Variants in FILIP1 observed in about 807,000 individuals in gnomAD.
The protein encoded by FILIP1 is filamin-A-interacting protein 1.
FILIP1 carries 61 observed loss-of-function variants against 102.1 expected under a neutral mutation model. The ratio of observed to expected loss-of-function variants is 0.60; its 90% CI spans 0.49 to 0.74. The LOEUF is 0.74. Ranked by LOEUF, FILIP1 falls within the 30% of genes least tolerant of loss-of-function variation. The pLI is 0.00. For missense variants in FILIP1, 1,314 were observed against 1,441.2 expected, an observed-to-expected ratio of 0.91 and a Z score of 1.43; for synonymous variants, 491 against 526.9, an observed-to-expected ratio of 0.93 and a Z score of 0.93.
At chr6:75,328,602 C>T (rs1432231330) in intron 4 of FILIP1, among the ~76,000 whole-genome samples, 1 of 152,170 alleles carries the variant, frequency 6.6e-6, no homozygotes, top group Non-Finnish European at 1.5e-5. Context: ...AATTCTCCTG[C>T]CTCAGCCTCA....
chr6:75,332,278 A>G (rs4568415), intron 4 of FILIP1, among the ~76,000 whole-genome samples: 101,997 of 152,036 alleles, frequency 0.67, 34,383 homozygotes, highest in Middle Eastern at 0.75. Context: ...CTATGTTTCA[A>G]AGTACTTTTC....
intron 2 of FILIP1, among the ~76,000 whole-genome samples, chr6:75,376,197 A>T (rs1195468474): frequency 5.3e-5 from 8 of 152,160 alleles, no homozygotes; most frequent in Admixed American, 5.2e-4. Flanking sequence ...TTTCTGATAT[A>T]GACTCAGAGC....
intron 3 of FILIP1, chr6:75,360,760 T>C (rs1038075987): frequency 4.6e-5 from 7 of 152,194 alleles, no homozygotes; most frequent in African/African-American, 1.7e-4. Context: ...TAATATGGTA[T>C]GGAAATAAGA....
At chr6:75,317,859 C>G (rs1018322401) in intron 4 of FILIP1, among the ~76,000 whole-genome samples, 68 of 152,194 alleles carry the variant, frequency 4.5e-4, no homozygotes, top group African/African-American at 1.5e-3. Context: ...GGGTCAGATC[C>G]AGGATCAAGG....
At chr6:75,322,964 G>C (rs1773714515) in intron 4 of FILIP1, among the ~76,000 whole-genome samples, 1 of 152,152 alleles carries the variant, frequency 6.6e-6, no homozygotes, top group Admixed American at 6.5e-5. Context: ...AAAGTGCTGG[G>C]ATTACAAGCA....
intron 3 of FILIP1, among the ~76,000 whole-genome samples, chr6:75,359,557 T>C (rs1157053999): frequency 6.6e-6 from 1 of 152,172 alleles, no homozygotes; most frequent in Non-Finnish European, 1.5e-5. Flanking sequence ...ACATCTCTCA[T>C]TGAGGGAGTC....
chr6:75,469,317 T>A (rs551635672), intron 1 of FILIP1, among the ~76,000 whole-genome samples: 3 of 152,188 alleles, frequency 2.0e-5, no homozygotes, highest in Admixed American at 2.0e-4. Context: ...AAAATATATT[T>A]CATTCAAGTG....
chr6:75,335,016 T>C (rs1774195566), intron 4 of FILIP1, among the ~76,000 whole-genome samples: 1 of 152,056 alleles, frequency 6.6e-6, no homozygotes, highest in African/African-American at 2.4e-5. Context: ...GGAGGAAGAA[T>C]GAAATAAAGA....
intron 1 of FILIP1, 62 bp from the exon 2 acceptor site, chr6:75,415,040 T>C (rs541260886): frequency 6.7e-7 from 1 of 1,482,236 alleles, no homozygotes; most frequent in South Asian, 1.3e-5. Flanking sequence ...TATTTTTGCC[T>C]AAATACTTAG....
At chr6:75,384,991 G>A (rs1282128778) in intron 2 of FILIP1, 1 of 140,264 alleles carries the variant, frequency 7.1e-6, no homozygotes, top group African/African-American at 2.7e-5. Context: ...GGAGAGACAA[G>A]GTTTCGCCAT....
chr6:75,324,248 C>T (rs770723048), intron 4 of FILIP1, among the ~76,000 whole-genome samples: 2 of 149,548 alleles, frequency 1.3e-5, no homozygotes, highest in Admixed American at 1.4e-4. Context: ...TATACACCAA[C>T]AGTGACCAAA....
In FILIP1 at chr6:75,486,473, G is replaced by A. The variant is rs193285315; in HGVS notation, c.-7+6941C>T. Among the ~76,000 whole-genome samples the A allele has an allele frequency of 1.1e-4, 17 of 152,208 alleles. No individual in the cohort carries two copies. The East Asian group carries it at 2.1e-3, about 19-fold the overall frequency. On this transcript the variant is annotated intron_variant, in intron 1 of 5. Transcript: ENST00000237172. ...AATCTCTTTATTCTTTGCACTTTGT[G>A]AATCTTTTAATACTATAGGGGCAGC...
At chr6:75,421,411 C>G (rs936478495) in intron 1 of FILIP1, among the ~76,000 whole-genome samples, 13 of 152,170 alleles carry the variant, frequency 8.5e-5, no homozygotes, top group Non-Finnish European at 1.9e-4. Flanking sequence ...GTAACCAGGA[C>G]ACAGGTCCCA....
chr6:75,302,436 G>C (rs949773749), intron 6 of FILIP1, among the ~76,000 whole-genome samples: 1 of 152,144 alleles, frequency 6.6e-6, no homozygotes. Flanking sequence ...TCTATAGTGA[G>C]TGCCAAGCTT....
intron 2 of FILIP1, among the ~76,000 whole-genome samples, chr6:75,374,229 TC>T (rs1476878124): frequency 1.3e-5 from 2 of 152,176 alleles, no homozygotes; most frequent in Non-Finnish European, 2.9e-5. Flanking sequence ...AGTGCTATCA[TC>T]CTACAGTGTA....
rs1004308093 is a variant in FILIP1, at chr6:75,402,443, G to A, written c.276+12254C>T. On this transcript the variant is annotated intron_variant, in intron 2 of 5. Transcript: ENST00000237172. ...GTGTGAGGTTTCACTGGGCAGCCTC[G>A]CTCAGGGTGACCTCAGCCTGAGATT... Among the ~76,000 whole-genome samples, 6 of 152,244 alleles carry A rather than the reference G, an allele frequency of 3.9e-5. No individual in the cohort carries two copies. The South Asian group carries it at 1.2e-3, about 32-fold the overall frequency.
intron 3 of FILIP1, among the ~76,000 whole-genome samples, chr6:75,361,429 C>T (rs1018460893): frequency 3.9e-5 from 6 of 152,136 alleles, no homozygotes; most frequent in African/African-American, 7.2e-5. Context: ...CAAATGAGAC[C>T]ATTTATCCAA....
intron 2 of FILIP1, among the ~76,000 whole-genome samples, chr6:75,408,909 T>C (rs888305787): frequency 3.2e-4 from 48 of 152,120 alleles, no homozygotes; most frequent in African/African-American, 1.1e-3. Context: ...CCCCCCAGAA[T>C]TGTGCAGTGC....
At chr6:75,339,426 T>A (rs997268193) in intron 4 of FILIP1, among the ~76,000 whole-genome samples, 5 of 152,218 alleles carry the variant, frequency 3.3e-5, no homozygotes, top group African/African-American at 1.2e-4. Flanking sequence ...ACTTTCAAAA[T>A]AAGTGAATTT....
Sources: allele counts gnomAD v4.1 joint callset (sites outside exome capture counted in the v4.1 genomes callset), GRCh38; gene constraint gnomAD v4.1.1; transcripts MANE v1.5; gene names NCBI Gene and HGNC (gene_info 2026-07-23, HGNC 2026-07-21).